ZNF521: variants seen among roughly 807,000 people sequenced by gnomAD.
The protein encoded by ZNF521 is LYST-interacting protein 3.
A neutral mutation model predicts 105.5 loss-of-function variants in ZNF521; 14 were observed. The ratio of observed to expected loss-of-function variants is 0.13; its 90% CI spans 0.09 to 0.21. The LOEUF (loss-of-function observed/expected upper bound fraction) is 0.21, where lower values mean the gene tolerates loss of function less well. ZNF521 is among the 10% of genes least tolerant of loss of function. The pLI is 1.00. For missense variants in ZNF521, 1,233 were observed against 1,629.7 expected, an observed-to-expected ratio of 0.76 and a Z score of 4.19; for synonymous variants, 635 against 606.0, an observed-to-expected ratio of 1.05 and a Z score of -0.70.
At chr18:25,117,026 TATACATAC>T (rs1373987774) in intron 5 of ZNF521, among the ~76,000 whole-genome samples, 2 of 121,970 alleles carry the variant, frequency 1.6e-5, no homozygotes, top group East Asian at 2.3e-4. Context: ...CACATATATA[TATACATAC>T]ACACACACAC....
At chr18:25,147,978 T>C (rs534761212) in intron 5 of ZNF521, among the ~76,000 whole-genome samples, 1 of 152,162 alleles carries the variant, frequency 6.6e-6, no homozygotes, top group African/African-American at 2.4e-5. Context: ...CCCATCTCCA[T>C]GCAGCTTGCT....
intron 5 of ZNF521, among the ~76,000 whole-genome samples, chr18:25,105,098 T>C (rs553124301): frequency 6.6e-6 from 1 of 152,296 alleles, no homozygotes; most frequent in East Asian, 1.9e-4. Context: ...ACTGGCATTC[T>C]GGCTCATGTA....
At chr18:25,214,324 C>T (rs531878244) in intron 4 of ZNF521, among the ~76,000 whole-genome samples, 31 of 151,982 alleles carry the variant, frequency 2.0e-4, no homozygotes, top group African/African-American at 7.5e-4. Context: ...AGTAAGGCTC[C>T]CCTTTTCATT....
chr18:25,191,123 G>A (rs1224380949), intron 5 of ZNF521, among the ~76,000 whole-genome samples: 3 of 151,988 alleles, frequency 2.0e-5, no homozygotes, highest in East Asian at 1.9e-4. Flanking sequence ...TTTACAAAAC[G>A]GGGTATCCTG....
At chr18:25,108,871 C>T (rs1364720598) in intron 5 of ZNF521, among the ~76,000 whole-genome samples, 5 of 152,280 alleles carry the variant, frequency 3.3e-5, no homozygotes, top group African/African-American at 4.8e-5. Flanking sequence ...GTGATCCACC[C>T]ACCTCAGCCT....
intron 4 of ZNF521, among the ~76,000 whole-genome samples, chr18:25,206,113 C>A (rs1354882826): frequency 6.6e-6 from 1 of 152,106 alleles, no homozygotes; most frequent in African/African-American, 2.4e-5. Context: ...AAACAAGTCT[C>A]CTGCCTCAGC....
intron 3 of ZNF521, among the ~76,000 whole-genome samples, chr18:25,316,698 T>C (rs1206813546): frequency 6.6e-6 from 1 of 152,136 alleles, no homozygotes; most frequent in Admixed American, 6.5e-5. Flanking sequence ...TTCTCCCTTT[T>C]TTTCGCTTCC....
intron 5 of ZNF521, among the ~76,000 whole-genome samples, chr18:25,147,552 C>T (rs917485935): frequency 1.3e-5 from 2 of 152,058 alleles, no homozygotes; most frequent in South Asian, 2.1e-4. Context: ...TACATTAGTT[C>T]GACAGCTGCT....
intron 5 of ZNF521, among the ~76,000 whole-genome samples, chr18:25,117,046 CAT>C (rs1292172354): frequency 1.1e-4 from 9 of 78,556 alleles, no homozygotes; most frequent in Admixed American, 6.1e-4. Context: ...CACACACACA[CAT>C]ATATATACAC....
rs73407198 is a variant in ZNF521 at position 25,211,651 on chromosome 18, G to A, written c.3573+12694C>T. 1.7e-3 allele frequency among the ~76,000 whole-genome samples: 251 copies of A among 152,048 alleles called. 1 individual carries two copies. The highest frequency in any genetic ancestry group is 5.9e-3 in the African/African-American group (243 of 41,478). On this transcript the variant is annotated intron_variant, in intron 4 of 7. Coordinates refer to ENST00000361524, the MANE Select transcript of ZNF521 (RefSeq NM_015461.3). ...GGAAACTATTCATTTTTCTAGTTAT[G>A]TGTTATAAATTTGTTTTATAAACCT...
intron 7 of ZNF521, among the ~76,000 whole-genome samples, chr18:25,077,243 G>T (rs1241639801): frequency 6.6e-6 from 1 of 152,180 alleles, no homozygotes; most frequent in Non-Finnish European, 1.5e-5. Context: ...AAGAAAGAAC[G>T]TGAGCTATGT....
intron 5 of ZNF521, among the ~76,000 whole-genome samples, chr18:25,124,749 G>A (rs1043807454): frequency 6.6e-6 from 1 of 152,136 alleles, no homozygotes; most frequent in African/African-American, 2.4e-5. Context: ...CAAATAAGCA[G>A]AGATATTTTG....
At chr18:25,268,993 T>C (rs965175131) in intron 3 of ZNF521, among the ~76,000 whole-genome samples, 1 of 150,006 alleles carries the variant, frequency 6.7e-6, no homozygotes, top group African/African-American at 2.5e-5. Context: ...GCAAATTGGA[T>C]AAAGAGTCAA....
At chr18:25,142,396 T>C (rs1216348717) in intron 5 of ZNF521, among the ~76,000 whole-genome samples, 3 of 152,134 alleles carry the variant, frequency 2.0e-5, no homozygotes, top group African/African-American at 7.2e-5. Flanking sequence ...GATTCAAAAA[T>C]GGCTTCTCAT....
At position 25,096,405 on chromosome 18, in the gene ZNF521, A is replaced by C. The variant is rs149050433; in HGVS notation, c.3659-4324T>G. On this transcript the variant is annotated intron_variant, in intron 5 of 7. Coordinates refer to ENST00000361524, the MANE Select transcript of ZNF521 (RefSeq NM_015461.3). ...ACTATTTATTAGCCTGTTTTATAACAGGAGAAATATTAGTTACCATTTGGA... is the reference window on the plus strand; with the variant it reads ...ACTATTTATTAGCCTGTTTTATAACCGGAGAAATATTAGTTACCATTTGGA... Among the ~76,000 whole-genome samples the C allele has an allele frequency of 5.5e-3, 837 of 152,328 alleles. 7 individuals carry two copies. Among genetic ancestry groups the C allele is most frequent in the African/African-American group, 0.019 (807 of 41,568 alleles).
chr18:25,303,309 T>TGA lies in ZNF521; in HGVS notation c.220+18697_220+18698dup, dbSNP rs10542663. Among the ~76,000 whole-genome samples, 127 of 128,478 alleles carry TGA rather than the reference T, an allele frequency of 9.9e-4. 2 individuals are homozygous for TGA. Among genetic ancestry groups the TGA allele is most frequent in the South Asian group, 5.7e-3 (24 of 4,174 alleles). 84.3% of individuals were successfully genotyped at this position (128,478 alleles called of 152,430 possible). A position where few individuals can be genotyped will look rare whatever the true frequency, so the allele number is the denominator to read the frequency against. ...GTGTGTGTGTGTGTGTGTGTGTGTG[T>TGA]GAGAGAGAGACGGAGTCTCGCTCTG... On this transcript the variant is annotated intron_variant, in intron 3 of 7. Coordinates refer to ENST00000361524, the MANE Select transcript of ZNF521 (RefSeq NM_015461.3).
chr18:25,164,073 T>C (rs2035295422), intron 5 of ZNF521, among the ~76,000 whole-genome samples: 1 of 152,144 alleles, frequency 6.6e-6, no homozygotes, highest in Non-Finnish European at 1.5e-5. Flanking sequence ...TTACTCCCAG[T>C]TGGAAAAGAT....
At chr18:25,179,090 T>TATATTTCTTAA (rs1555643964) in intron 5 of ZNF521, among the ~76,000 whole-genome samples, 1 of 147,338 alleles carries the variant, frequency 6.8e-6, no homozygotes, top group South Asian at 2.2e-4. Flanking sequence ...GTATTTCTTA[T>TATATTTCTTAA]GACTTATACT....
intron 3 of ZNF521, among the ~76,000 whole-genome samples, chr18:25,297,437 TTG>T (rs2145054466): frequency 1.3e-5 from 2 of 152,288 alleles, no homozygotes; most frequent in Non-Finnish European, 2.9e-5. Context: ...CCTTTCTTAT[TTG>T]TGTATTTAGT....
Sources: gnomAD v4.1 joint callset for allele counts (sites outside exome capture counted in the v4.1 genomes callset) on GRCh38, gnomAD v4.1.1 for gene constraint, MANE v1.5 for transcripts, NCBI Gene and HGNC (gene_info 2026-07-23, HGNC 2026-07-21) for gene names.